Variants in KCNH2 observed in about 807,000 individuals in gnomAD.
The protein encoded by KCNH2 is voltage-gated inwardly rectifying potassium channel KCNH2.
In KCNH2, 35 loss-of-function variants were observed where a neutral mutation model predicts 95.9. The ratio of observed to expected loss-of-function variants is 0.37; its 90% confidence interval spans 0.28 to 0.48. KCNH2 has a LOEUF of 0.48. KCNH2 is among the 20% of genes least tolerant of loss of function. The pLI is 0.99. For missense variants in KCNH2, 1,274 were observed against 1,702.9 expected, an observed-to-expected ratio of 0.75 and a Z score of 4.43; for synonymous variants, 786 against 754.7, an observed-to-expected ratio of 1.04 and a Z score of -0.68.
At chr7:150,957,989 C>G (rs1384399864) in intron 4 of KCNH2, 70 bp downstream of exon 4, 11 of 1,212,662 alleles carry the variant, frequency 9.1e-6, no homozygotes, top group Non-Finnish European at 1.2e-5. Flanking sequence ...AGCCGAGGGC[C>G]CAGAATGCAG....
Position 150,952,956 on chromosome 7 carries a change from C to A in KCNH2, c.1129-103G>T. 3 of 1,135,866 alleles carry A rather than the reference C, an allele frequency of 2.6e-6. No homozygotes were observed. The Admixed American group carries it at 6.7e-5, about 25-fold the overall frequency. 70.4% of individuals were successfully genotyped at this position (1,135,866 alleles called of 1,614,324 possible). ...GGGCCAAGCAGAATGAGGAGGAGGC[C>A]AAAAAAAGCTTCCATCAGAATGCCC... On this transcript the variant is annotated intron_variant, in intron 5 of 14. Transcript: ENST00000262186. The surrounding 1 kb of genome is among the most constrained non-coding windows in gnomAD (Gnocchi z 7.3).
chr7:150,950,434 G>C lies in KCNH2; in HGVS notation c.2146-14C>G, dbSNP rs971275958. On this transcript the variant is annotated splice_polypyrimidine_tract_variant and intron_variant, in intron 8 of 14. Coordinates refer to ENST00000262186, the MANE Select transcript of KCNH2 (RefSeq NM_000238.4). ...GCCCTTCAGCACCTGGGGGCAGGGT[G>C]GGGGCAGCTCAGCACACCCTCCCTT... The C allele has an allele frequency of 6.2e-7, 1 of 1,610,358 alleles. No individual in the cohort carries two copies. Among genetic ancestry groups the C allele is most frequent in the Admixed American group, 1.7e-5 (1 of 59,972 alleles).
chr7:150,950,527 G>A, intron 8 of KCNH2, 107 bp from the exon 9 acceptor site: 1 of 1,422,172 alleles, frequency 7.0e-7, no homozygotes, highest in Non-Finnish European at 9.5e-7. Flanking sequence ...TCAACCTCCA[G>A]GCCTGGGAGA....
chr7:150,974,152 GT>G (rs1801908151), intron 2 of KCNH2, among the ~76,000 whole-genome samples: 1 of 152,174 alleles, frequency 6.6e-6, no homozygotes, highest in Admixed American at 6.5e-5. Context: ...GGGAACTGAG[GT>G]TGCGGGGAGA....
rs1801606097 is a variant in KCNH2, at chr7:150,962,906, C to T, written c.308-3170G>A. On this transcript the variant is annotated intron_variant, in intron 2 of 14. Transcript: ENST00000262186. The surrounding 1 kb of genome is among the most constrained non-coding windows in gnomAD (Gnocchi z 5.7). ...CGTCGGCTGGGGCTTCGGTGAACTG[C>T]CACATCACCTGCTCCCAGCTCTTCA... Among the ~76,000 whole-genome samples, 1 of 152,166 alleles carries T rather than the reference C, an allele frequency of 6.6e-6. No individual in the cohort carries two copies. Among genetic ancestry groups the T allele is most frequent in the Non-Finnish European group, 1.5e-5 (1 of 68,020 alleles).
intron 2 of KCNH2, among the ~76,000 whole-genome samples, chr7:150,966,839 T>C (rs1334383563): frequency 6.6e-6 from 1 of 151,986 alleles, no homozygotes; most frequent in Non-Finnish European, 1.5e-5. Context: ...ATCTGGTAAA[T>C]GGAGAGACAA....
In KCNH2 at chr7:150,951,525, G is replaced by A. The variant is rs199472950; in HGVS notation, c.1868C>T (p.Thr623Ile). 6.2e-7 allele frequency: 1 copy of A among 1,614,250 alleles called. No individual in the cohort carries two copies. The highest frequency in any genetic ancestry group is 8.5e-7 in the Non-Finnish European group (1 of 1,180,032). Reference sequence around the variant, plus strand: ...AGAGACGTTGCCGAAGCCCACACTGGTGAGGCTGCTGAAGGTGAAGTAGAG... The same window carrying A: ...AGAGACGTTGCCGAAGCCCACACTGATGAGGCTGCTGAAGGTGAAGTAGAG... The part of the protein sequence containing the change: ...TALYFTFSSL[T>I]SVGFGNVSPN... Residue 623 changes from threonine to isoleucine, a missense_variant, in exon 7 of 15, where the codon ACC (threonine) becomes ATC (isoleucine). This residue lies in a region of KCNH2 where 147 missense variants were observed against 344.4 expected (regional missense o/e 0.43). Coordinates refer to ENST00000262186, the MANE Select transcript of KCNH2 (RefSeq NM_000238.4).
chr7:150,951,263 A>G (rs1801145756), intron 7 of KCNH2, 143 bp from the exon 8 acceptor site: 2 of 996,554 alleles, frequency 2.0e-6, no homozygotes, highest in Non-Finnish European at 3.0e-6. Context: ...TCTGCGCTCC[A>G]GCACACCCCA....
Position 150,961,520 on chromosome 7 carries a change from A to C in KCNH2, c.308-1784T>G, listed in dbSNP as rs1010886609. ...TCACTGTGTTGGCCAGGCTGGTCTC[A>C]AACTCCTGGCCTCAAGTGATCTGCC... On this transcript the variant is annotated intron_variant, in intron 2 of 14. Coordinates refer to ENST00000262186, the MANE Select transcript of KCNH2 (RefSeq NM_000238.4). This position sits in a 1 kb window ranked among gnomAD's most constrained non-coding sequence, Gnocchi z 6.2. Among the ~76,000 whole-genome samples, 5 of 151,892 alleles carry C rather than the reference A, an allele frequency of 3.3e-5. No homozygotes were observed. The highest frequency in any genetic ancestry group is 1.2e-4 in the African/African-American group (5 of 41,342).
chr7:150,957,516 C>T lies in KCNH2; in HGVS notation c.917-14G>A. On this transcript the variant is annotated splice_polypyrimidine_tract_variant and intron_variant, in intron 4 of 14. Coordinates refer to ENST00000262186, the MANE Select transcript of KCNH2 (RefSeq NM_000238.4). ...GGTGCATGGCCCCTAGGTGGAGAGG[C>T]AGCGTGGTCAGGCCAGCAGCCCAGG... 1 of 1,573,052 alleles carries T rather than the reference C, an allele frequency of 6.4e-7. No homozygotes were observed. Among genetic ancestry groups the T allele is most frequent in the Non-Finnish European group, 8.6e-7 (1 of 1,166,460 alleles).
chr7:150,967,429 T>C (rs1463398879), intron 2 of KCNH2, among the ~76,000 whole-genome samples: 1 of 152,192 alleles, frequency 6.6e-6, no homozygotes, highest in Non-Finnish European at 1.5e-5. Flanking sequence ...TGTTAAGCTA[T>C]ATCAATGCAA....
At chr7:150,951,270 C>T (rs1801146125) in intron 7 of KCNH2, 150 bp from the exon 8 acceptor site, 1 of 1,010,790 alleles carries the variant, frequency 9.9e-7, no homozygotes, top group Non-Finnish European at 1.5e-6. Context: ...TCCAGCACAC[C>T]CCACCCTTCA....
At position 150,947,469 on chromosome 7, in the gene KCNH2, C is replaced by G. The variant is rs772094886; in HGVS notation, c.3011G>C (p.Ser1004Thr). 3.8e-6 allele frequency: 6 copies of G among 1,575,342 alleles called. No individual in the cohort carries two copies. In the South Asian group the frequency reaches 7.0e-5, roughly 18 times the overall value. The change falls in exon 13 of 15, where the codon AGT becomes ACT. Residue 1004 changes from serine (S) to threonine (T), a missense_variant. Ser to Thr is a moderately conservative substitution (Grantham distance 58). Around this residue, in one of 7 missense-constraint regions of KCNH2, gnomAD observed 457 missense variants for 416.1 expected, o/e 1.10. Coordinates refer to ENST00000262186, the MANE Select transcript of KCNH2 (RefSeq NM_000238.4). Reference sequence around the variant, plus strand: ...GAGCTCCTGGTACTGGCGGCCCCGACTGTCCCCCCAGAAGCTGAAAATGTT... The same window carrying G: ...GAGCTCCTGGTACTGGCGGCCCCGAGTGTCCCCCCAGAAGCTGAAAATGTT... ...VSNIFSFWGD[S>T]RGRQYQELPR...
chr7:150,948,525 A>T lies in KCNH2; in HGVS notation c.2611T>A (p.Ser871Thr). 1 of 1,601,640 alleles carries T rather than the reference A, an allele frequency of 6.2e-7. No individual in the cohort carries two copies. The highest frequency in any genetic ancestry group is 1.1e-5 in the South Asian group (1 of 90,832). ...CCCTCTAACTCCGTACTGCCGGGGG[A>T]GCCCGGGATCATGTTGGTCTGGAAC... The part of the protein sequence containing the change: ...NLRDTNMIPG[S>T]PGSTELEGGF... The change falls in exon 11 of 15, where the codon TCC (serine) becomes ACC (threonine). Residue 871 changes from serine (S) to threonine (T), a missense_variant. This residue lies in a region of KCNH2 where 457 missense variants were observed against 416.1 expected (regional missense o/e 1.10). Transcript: ENST00000262186.
intron 2 of KCNH2, among the ~76,000 whole-genome samples, chr7:150,965,671 G>A (rs556480408): frequency 9.2e-5 from 14 of 152,132 alleles, no homozygotes; most frequent in South Asian, 2.1e-4. Context: ...CCACATGGAC[G>A]CTGCTCTTGG....
At position 150,962,592 on chromosome 7, in the gene KCNH2, G is replaced by A. The variant is rs139360562; in HGVS notation, c.308-2856C>T. Among the ~76,000 whole-genome samples, 107 of 146,126 alleles carry A rather than the reference G, an allele frequency of 7.3e-4. 1 individual carries two copies. The highest frequency in any genetic ancestry group is 2.5e-3 in the African/African-American group (100 of 39,932). ...AGGTATACGCCACCTCACAGCACAA[G>A]CCTGTAACTCACACTTACACACACA... On this transcript the variant is annotated intron_variant, in intron 2 of 14. Coordinates refer to ENST00000262186, the MANE Select transcript of KCNH2 (RefSeq NM_000238.4). This position sits in a 1 kb window ranked among gnomAD's most constrained non-coding sequence, Gnocchi z 5.7.
chr7:150,947,448 T>C lies in KCNH2; in HGVS notation c.3032A>G (p.Glu1011Gly), dbSNP rs1800945318. The C allele has an allele frequency of 6.4e-6, 10 of 1,565,520 alleles. No individual in the cohort carries two copies. Among genetic ancestry groups the C allele is most frequent in the Non-Finnish European group, 8.7e-6 (10 of 1,155,576 alleles). ...WGDSRGRQYQELPRCPAPTPS... is the reference protein window; with the variant it reads ...WGDSRGRQYQGLPRCPAPTPS... ...GGTGGGGGCGGGGCATCGAGGGAGCTCCTGGTACTGGCGGCCCCGACTGTC... is the reference window on the plus strand; with the variant it reads ...GGTGGGGGCGGGGCATCGAGGGAGCCCCTGGTACTGGCGGCCCCGACTGTC... Residue 1011 changes from glutamate to glycine, a missense_variant, in exon 13 of 15, where the codon GAG becomes GGG. Coordinates refer to ENST00000262186, the MANE Select transcript of KCNH2 (RefSeq NM_000238.4).
chr7:150,960,324 A>G (rs1015389476), intron 2 of KCNH2, among the ~76,000 whole-genome samples: 1 of 152,246 alleles, frequency 6.6e-6, no homozygotes. Context: ...ATAATTGTAC[A>G]TATTTATGGG....
At chr7:150,948,423 T>TCCCCCCCCCCCCCCCC in intron 11 of KCNH2, 21 bp downstream of exon 11, 7 of 894,064 alleles carry the variant, frequency 7.8e-6, no homozygotes, top group South Asian at 5.4e-5. Context: ...CCCTCCCCCT[T>TCCCCCCCCCCCCCCCC]CCTCCCCTCC....
Sources: gnomAD v4.1 joint callset for allele counts (sites outside exome capture counted in the v4.1 genomes callset) on GRCh38, gnomAD v4.1.1 for gene constraint, gnomAD v4.1.1 regional missense constraint, Gnocchi (gnomAD v3.1) non-coding constraint, MANE v1.5 for transcripts, NCBI Gene and HGNC (gene_info 2026-07-23, HGNC 2026-07-21) for gene names.